The following COL26A1 variants were observed in gnomAD, a reference collection of about 807,000 sequenced individuals.
COL26A1 encodes the protein collagen type XXVI alpha 1 chain, also known as collagen alpha-1(XXVI) chain.
A neutral mutation model predicts 59.3 loss-of-function variants in COL26A1; 41 were observed. The ratio of observed to expected loss-of-function variants is 0.69; its 90% CI spans 0.54 to 0.90. The LOEUF is 0.90. Among genes scored for constraint, COL26A1 ranks in the 40% least tolerant of loss-of-function variants. The pLI, the probability that COL26A1 is intolerant of heterozygous loss-of-function variation, is 0.00. For synonymous variants in COL26A1, 266 were observed against 256.0 expected, an observed-to-expected ratio of 1.04 and a Z score of -0.37; for missense variants, 612 against 602.3, an observed-to-expected ratio of 1.02 and a Z score of -0.17.
chr7:101,390,358 C>G (rs1047202624), intron 1 of COL26A1, among the ~76,000 whole-genome samples: 3 of 151,914 alleles, frequency 2.0e-5, no homozygotes, highest in East Asian at 1.9e-4. Context: ...GAACTCCTGA[C>G]CTCAAGCGAT....
intron 2 of COL26A1, among the ~76,000 whole-genome samples, chr7:101,422,360 TG>T (rs1403489182): frequency 1.0e-5 from 1 of 98,180 alleles, no homozygotes; most frequent in Non-Finnish European, 2.0e-5. Context: ...GAGATGGCAG[TG>T]GGTCCAAAAT....
Position 101,551,129 on chromosome 7 carries a change from A to G in COL26A1, c.1015A>G (p.Thr339Ala), listed in dbSNP as rs1207047242. 1.9e-6 allele frequency: 3 copies of G among 1,557,438 alleles called. No homozygotes were observed. The highest frequency in any genetic ancestry group is 3.8e-5 in the Admixed American group (2 of 51,980). ...GCAGGGCCTGGCTGGAGAGCGAGGC[A>G]CAGTGGGGCCGTCCGTAAGTGTGGG... The part of the protein sequence containing the change: ...GSQGLAGERG[T>A]VGPSGEPGVK... Residue 339 changes from threonine to alanine, a missense_variant, in exon 10 of 13, where the codon ACA becomes GCA. Physicochemically the swap from Thr to Ala is moderately conservative, Grantham distance 58. Transcript: ENST00000313669.
intron 3 of COL26A1, among the ~76,000 whole-genome samples, chr7:101,450,976 A>G (rs1793322598): frequency 6.9e-6 from 1 of 145,468 alleles, no homozygotes; most frequent in Non-Finnish European, 1.5e-5. Context: ...ATATTATCAA[A>G]TAAATATTCA....
intron 1 of COL26A1, among the ~76,000 whole-genome samples, chr7:101,409,504 C>A (rs1792196552): frequency 6.6e-6 from 1 of 152,160 alleles, no homozygotes; most frequent in Admixed American, 6.5e-5. Flanking sequence ...TATTCATTTG[C>A]CAGGGCTGCC....
intron 3 of COL26A1, among the ~76,000 whole-genome samples, chr7:101,448,021 G>A (rs1793243305): frequency 6.6e-6 from 1 of 152,240 alleles, no homozygotes; most frequent in Non-Finnish European, 1.5e-5. Context: ...TGGTTGGGTA[G>A]TGGAATACAG....
chr7:101,526,062 T>A (rs1016850080), intron 3 of COL26A1, among the ~76,000 whole-genome samples: 2 of 152,066 alleles, frequency 1.3e-5, no homozygotes, highest in Non-Finnish European at 2.9e-5. Flanking sequence ...TTTCTTTTTT[T>A]TTTGAGACAG....
At chr7:101,483,254 G>T (rs897310421) in intron 3 of COL26A1, among the ~76,000 whole-genome samples, 6 of 151,384 alleles carry the variant, frequency 4.0e-5, no homozygotes, top group African/African-American at 7.3e-5. Context: ...CTAGAGTGCA[G>T]TGGCATGATC....
intron 1 of COL26A1, among the ~76,000 whole-genome samples, chr7:101,373,348 A>G (rs577721887): frequency 2.6e-5 from 4 of 152,208 alleles, no homozygotes; most frequent in Non-Finnish European, 4.4e-5. Flanking sequence ...GAACATTGCA[A>G]ATTTTTTGCA....
chr7:101,454,550 C>T (rs1030686883), intron 3 of COL26A1, among the ~76,000 whole-genome samples: 2 of 152,078 alleles, frequency 1.3e-5, no homozygotes, highest in Non-Finnish European at 2.9e-5. Context: ...TGAGCCACCG[C>T]ACCCGGCCAA....
intron 2 of COL26A1, among the ~76,000 whole-genome samples, chr7:101,430,258 G>C (rs2130313869): frequency 6.6e-6 from 1 of 152,134 alleles, no homozygotes; most frequent in Middle Eastern, 3.4e-3. Flanking sequence ...TTGTAAAGCT[G>C]TATTTTTAAT....
intron 3 of COL26A1, among the ~76,000 whole-genome samples, chr7:101,467,312 A>ATCAAGACCATCCTGGCTAACACGGT (rs1554416783): frequency 5.2e-5 from 7 of 135,896 alleles, no homozygotes; most frequent in Non-Finnish European, 9.3e-5. Context: ...CTGCAGATAG[A>ATCAAGACCATCCTGGCTAACACGGT]GAGGGGCTGC....
In COL26A1 at chr7:101,508,517, C is replaced by CAAAA. The variant is rs58872805; in HGVS notation, c.386-24554_386-24551dup. 1.3e-4 allele frequency among the ~76,000 whole-genome samples: 16 copies of CAAAA among 127,624 alleles called. 1 individual carries two copies. Among genetic ancestry groups the CAAAA allele is most frequent in the Admixed American group, 2.4e-4 (3 of 12,706 alleles). The allele number at this position is 127,624 out of a possible 152,430, so 83.7% of individuals were successfully genotyped here. A position where few individuals can be genotyped will look rare whatever the true frequency, so the allele number is the denominator to read the frequency against. On this transcript the variant is annotated intron_variant, in intron 3 of 12. Coordinates refer to ENST00000313669, the MANE Select transcript of COL26A1 (RefSeq NM_001278563.3). ...CTGAACAACAGAGATAAAACCCTGT[C>CAAAA]AAAAAAAAAAAAAAGATGATGGTCT...
intron 9 of COL26A1, among the ~76,000 whole-genome samples, chr7:101,550,499 T>C (rs918232706): frequency 1.1e-4 from 17 of 151,780 alleles, no homozygotes; most frequent in Non-Finnish European, 2.2e-4. Flanking sequence ...TATGTAAAAA[T>C]AGAAAGTAGA....
chr7:101,523,331 A>G (rs759879746), intron 3 of COL26A1, among the ~76,000 whole-genome samples: 1 of 152,148 alleles, frequency 6.6e-6, no homozygotes, highest in African/African-American at 2.4e-5. Flanking sequence ...AGCCTCCCAA[A>G]GTGCTGGAAT....
chr7:101,490,588 C>T (rs1333944521), intron 3 of COL26A1, among the ~76,000 whole-genome samples: 1 of 151,922 alleles, frequency 6.6e-6, no homozygotes, highest in East Asian at 1.9e-4. Flanking sequence ...GTAATCCCAC[C>T]TACTCGAGAG....
In COL26A1 at chr7:101,391,291, G is replaced by A. The variant is rs181674350; in HGVS notation, c.158+28101G>A. ...ACCCCCTTTTTGCTGGAAGCATCCG[G>A]GCCTGGCCGGGATTCTATTTTTTTT... On this transcript the variant is annotated intron_variant, in intron 1 of 12. Coordinates refer to ENST00000313669, the MANE Select transcript of COL26A1 (RefSeq NM_001278563.3). Among the ~76,000 whole-genome samples the A allele has an allele frequency of 2.0e-3, 307 of 152,246 alleles. 1 individual carries two copies. Among genetic ancestry groups the A allele is most frequent in the Middle Eastern group, 3.4e-3 (1 of 294 alleles).
At chr7:101,412,339 C>A (rs774685181) in intron 1 of COL26A1, among the ~76,000 whole-genome samples, 17 of 152,072 alleles carry the variant, frequency 1.1e-4, no homozygotes, top group African/African-American at 4.1e-4. Flanking sequence ...TAAACCACCC[C>A]CAATTTGCAT....
chr7:101,554,900 A>G (rs1333146815), intron 11 of COL26A1, among the ~76,000 whole-genome samples: 1 of 152,062 alleles, frequency 6.6e-6, no homozygotes, highest in African/African-American at 2.4e-5. Context: ...TAATTGGCTC[A>G]ACTTCCCATT....
At chr7:101,545,101 C>G (rs530029292) in intron 6 of COL26A1, among the ~76,000 whole-genome samples, 23 of 152,258 alleles carry the variant, frequency 1.5e-4, no homozygotes, top group African/African-American at 5.5e-4. Context: ...TCCCTGCCCC[C>G]CTCACCCTCC....
Sources: allele counts gnomAD v4.1 joint callset (sites outside exome capture counted in the v4.1 genomes callset), GRCh38; gene constraint gnomAD v4.1.1; transcripts MANE v1.5; gene names NCBI Gene and HGNC (gene_info 2026-07-23, HGNC 2026-07-21).